Variants in RGS6 observed in about 807,000 individuals in gnomAD.
The protein encoded by RGS6 is regulator of G-protein signaling 6.
A neutral mutation model predicts 78.5 loss-of-function variants in RGS6; 30 were observed. The observed-to-expected ratio is 0.38, with a 90% CI of 0.29 to 0.52. The LOEUF (loss-of-function observed/expected upper bound fraction) is 0.52, where lower values mean the gene tolerates loss of function less well. Ranked by LOEUF, RGS6 falls within the 20% of genes least tolerant of loss-of-function variation. The pLI is 0.85. For missense variants in RGS6, 495 were observed against 609.7 expected (o/e 0.81, Z 1.98); for synonymous variants, 206 against 206.0 (o/e 1.00, Z 0.00).
chr14:72,227,051 C>T (rs1305191327), intron 2 of RGS6, among the ~76,000 whole-genome samples: 1 of 152,174 alleles, frequency 6.6e-6, no homozygotes, highest in African/African-American at 2.4e-5. Flanking sequence ...ATCTACTTCT[C>T]TCCACTAGAT....
intron 17 of RGS6, among the ~76,000 whole-genome samples, chr14:72,548,144 A>G (rs1027391373): frequency 6.6e-6 from 1 of 152,168 alleles, no homozygotes; most frequent in African/African-American, 2.4e-5. Context: ...ACAAGGGTTC[A>G]GCCATGGCCC....
intron 2 of RGS6, among the ~76,000 whole-genome samples, chr14:72,090,968 C>G (rs2095249920): frequency 1.3e-5 from 2 of 150,850 alleles, no homozygotes; most frequent in African/African-American, 2.4e-5. Context: ...TGGGCTATCT[C>G]TGTTGCCCTA....
intron 2 of RGS6, among the ~76,000 whole-genome samples, chr14:72,313,067 C>T (rs2069054035): frequency 6.6e-6 from 1 of 152,176 alleles, no homozygotes; most frequent in Admixed American, 6.5e-5. Flanking sequence ...TAAATTCTAG[C>T]TCTGCCCCTT....
At chr14:72,067,694 TAAAATA>T (rs1309143737) in intron 2 of RGS6, among the ~76,000 whole-genome samples, 1 of 152,182 alleles carries the variant, frequency 6.6e-6, no homozygotes, top group African/African-American at 2.4e-5. Flanking sequence ...AAAAATAAAA[TAAAATA>T]AAGTTTATTT....
intron 2 of RGS6, among the ~76,000 whole-genome samples, chr14:72,155,428 C>G (rs776051389): frequency 2.6e-5 from 4 of 152,190 alleles, no homozygotes; most frequent in Non-Finnish European, 5.9e-5. Context: ...TATTCAACCT[C>G]CCACCCAGGA....
At chr14:72,540,526 A>C (rs1598894035) in intron 17 of RGS6, 1 of 1,568,746 alleles carries the variant, frequency 6.4e-7, no homozygotes, top group South Asian at 1.1e-5. Context: ...CCCTCTGTGA[A>C]CCCTGGCAGT....
At chr14:72,464,436 G>A (rs1483429393) in intron 6 of RGS6, among the ~76,000 whole-genome samples, 1 of 152,144 alleles carries the variant, frequency 6.6e-6, no homozygotes, top group Non-Finnish European at 1.5e-5. Context: ...CAGAAGTGTG[G>A]GCATACCAGA....
intron 3 of RGS6, among the ~76,000 whole-genome samples, chr14:72,386,244 T>C (rs1275207595): frequency 5.3e-5 from 8 of 152,080 alleles, no homozygotes; most frequent in African/African-American, 9.7e-5. Flanking sequence ...AAATACTAAA[T>C]ACTATTTGGG....
At chr14:72,540,450 C>CTA in intron 17 of RGS6, 1 of 1,499,650 alleles carries the variant, frequency 6.7e-7, no homozygotes, top group Non-Finnish European at 8.8e-7. Context: ...AGCCATCGAA[C>CTA]TATACCGTGA....
intron 2 of RGS6, among the ~76,000 whole-genome samples, chr14:72,346,150 A>G (rs1207409623): frequency 1.3e-5 from 2 of 152,242 alleles, no homozygotes. Context: ...TGCTTGAGGC[A>G]TACTCTTTGC....
chr14:72,576,178 A>C, the RGS6 span, among the ~76,000 whole-genome samples: 1 of 152,368 alleles, frequency 6.6e-6, no homozygotes, highest in East Asian at 1.9e-4. Flanking sequence ...TTGAAAGTAC[A>C]AATTTTATTC....
chr14:72,024,957 A>C (rs1327006134), intron 2 of RGS6, among the ~76,000 whole-genome samples: 1 of 152,202 alleles, frequency 6.6e-6, no homozygotes, highest in Non-Finnish European at 1.5e-5. Flanking sequence ...AGACAGTTGC[A>C]AAGAAATACT....
At chr14:72,258,981 C>T (rs1324005378) in intron 2 of RGS6, among the ~76,000 whole-genome samples, 1 of 152,032 alleles carries the variant, frequency 6.6e-6, no homozygotes, top group African/African-American at 2.4e-5. Context: ...ATGGTGTCTA[C>T]GAGATTGGGA....
chr14:72,442,225 C>G (rs1353809785), intron 3 of RGS6, among the ~76,000 whole-genome samples: 1 of 152,086 alleles, frequency 6.6e-6, no homozygotes, highest in Non-Finnish European at 1.5e-5. Flanking sequence ...TTCTAGGACT[C>G]TTTTCCATTT....
chr14:72,417,255 A>G (rs1401880209), intron 3 of RGS6, among the ~76,000 whole-genome samples: 5 of 152,216 alleles, frequency 3.3e-5, no homozygotes, highest in Non-Finnish European at 5.9e-5. Flanking sequence ...ATTGTCAAAT[A>G]TTCTCTGTCA....
At chr14:71,908,618 A>C in the RGS6 span, among the ~76,000 whole-genome samples, 1 of 152,324 alleles carries the variant, frequency 6.6e-6, no homozygotes, top group East Asian at 1.9e-4. Context: ...GGGCACAATG[A>C]GGCCACAGGA....
chr14:72,465,862 G>A, intron 7 of RGS6, 40 bp downstream of exon 7: 3 of 1,507,894 alleles, frequency 2.0e-6, no homozygotes, highest in Non-Finnish European at 2.8e-6. Context: ...TAAGAAGAGA[G>A]TAAAATCATA....
At chr14:72,305,858 T>C (rs939048690) in intron 2 of RGS6, among the ~76,000 whole-genome samples, 6 of 152,202 alleles carry the variant, frequency 3.9e-5, no homozygotes, top group Non-Finnish European at 8.8e-5. Context: ...TGTCAAAAGC[T>C]GAGACAGGCC....
At chr14:72,508,601 G>T in intron 13 of RGS6, among the ~76,000 whole-genome samples, 1 of 100,212 alleles carries the variant, frequency 1.0e-5, no homozygotes, top group Admixed American at 1.3e-4. Flanking sequence ...TTTACTAAGT[G>T]GAATTTTCCA....
Sources: gnomAD v4.1 joint callset for allele counts (sites outside exome capture counted in the v4.1 genomes callset) on GRCh38, gnomAD v4.1.1 for gene constraint, MANE v1.5 for transcripts, NCBI Gene and HGNC (gene_info 2026-07-23, HGNC 2026-07-21) for gene names.